CC2D2A: variants seen among roughly 807,000 people sequenced by gnomAD.
The protein encoded by CC2D2A is coiled-coil and C2 domain containing 2A, also known as coiled-coil and C2 domain-containing protein 2A.
A neutral mutation model predicts 212.9 loss-of-function variants in CC2D2A; 155 were observed. The observed-to-expected ratio is 0.73, with a 90% CI of 0.64 to 0.83. CC2D2A has a LOEUF of 0.83. CC2D2A is among the 40% of genes least tolerant of loss of function. The probability of loss-of-function intolerance (pLI) is 0.00; values close to 1 mark genes in which losing one functional copy is unlikely to be tolerated. For missense variants in CC2D2A, 1,856 were observed against 1,956.2 expected, an observed-to-expected ratio of 0.95 and a Z score of 0.97; for synonymous variants, 667 against 686.5, an observed-to-expected ratio of 0.97 and a Z score of 0.44.
Position 15,512,718 on chromosome 4 carries a change from G to A in CC2D2A, c.717+1295G>A, listed in dbSNP as rs528766278. On this transcript the variant is annotated intron_variant, in intron 8 of 36. Coordinates refer to ENST00000424120, the MANE Select transcript of CC2D2A (RefSeq NM_001378615.1). ...CCTGTAATCCCAGCTTTGGGAGGCC[G>A]AGGAGGGCGGATCACCTAAGGTCAG... 7.2e-5 allele frequency among the ~76,000 whole-genome samples: 11 copies of A among 152,270 alleles called. No individual in the cohort carries two copies. The South Asian group carries it at 1.7e-3, about 23-fold the overall frequency.
At position 15,506,210 on chromosome 4, in the gene CC2D2A, TTAAGTA is replaced by T. The variant is rs1377812850; in HGVS notation, c.438+3291_438+3296del. ...ATTTAATTTAGCATGCTCAATCCTTTTAAGTATAATTAATGGCCTTAAATGTATTAA... is the reference window on the plus strand; with the variant it reads ...ATTTAATTTAGCATGCTCAATCCTTTTAATTAATGGCCTTAAATGTATTAA... On this transcript the variant is annotated intron_variant, in intron 6 of 36. Transcript: ENST00000424120. Among the ~76,000 whole-genome samples, 5 of 152,340 alleles carry T rather than the reference TTAAGTA, an allele frequency of 3.3e-5. No individual in the cohort carries two copies. In the East Asian group the frequency reaches 9.6e-4, roughly 29 times the overall value.
intron 4 of CC2D2A, among the ~76,000 whole-genome samples, chr4:15,501,263 C>T (rs893236345): frequency 6.6e-6 from 1 of 152,136 alleles, no homozygotes; most frequent in Non-Finnish European, 1.5e-5. Flanking sequence ...CCAATTGCCA[C>T]TAGGCTCTAT....
intron 28 of CC2D2A, among the ~76,000 whole-genome samples, chr4:15,571,928 T>C (rs996034485): frequency 1.3e-5 from 2 of 152,182 alleles, no homozygotes; most frequent in African/African-American, 2.4e-5. Context: ...TCTGGTAATA[T>C]CTGTGCTCTG....
rs151199192 is a variant in CC2D2A at position 15,520,500 on chromosome 4, G to A, written c.1149+3744G>A. Among the ~76,000 whole-genome samples the A allele has an allele frequency of 2.7e-4, 41 of 152,276 alleles. No individual in the cohort carries two copies. The East Asian group carries it at 7.7e-3, about 29-fold the overall frequency. On this transcript the variant is annotated intron_variant, in intron 11 of 36. Coordinates refer to ENST00000424120, the MANE Select transcript of CC2D2A (RefSeq NM_001378615.1). ...CAGATATGATGAACACTGAATTGTGGGTTAAAGTTAGAAAACAGAAGAGTA... is the reference window on the plus strand; with the variant it reads ...CAGATATGATGAACACTGAATTGTGAGTTAAAGTTAGAAAACAGAAGAGTA...
intron 33 of CC2D2A, among the ~76,000 whole-genome samples, chr4:15,591,143 T>C (rs1030829968): frequency 6.6e-6 from 1 of 152,174 alleles, no homozygotes; most frequent in African/African-American, 2.4e-5. Flanking sequence ...TACCAAAAAC[T>C]ACTTTAAACA....
intron 29 of CC2D2A, 143 bp downstream of exon 29, chr4:15,574,469 T>C (rs1005742067): frequency 3.1e-6 from 2 of 643,742 alleles, no homozygotes; most frequent in African/African-American, 3.7e-5. Context: ...TCAGTTTAGA[T>C]AGAATGGTGG....
chr4:15,570,655 G>T (rs1157837155), intron 28 of CC2D2A, among the ~76,000 whole-genome samples, 159 bp downstream of exon 28: 1 of 152,188 alleles, frequency 6.6e-6, no homozygotes, highest in Non-Finnish European at 1.5e-5. Context: ...AGGAGTTGGA[G>T]ATGAGCCTGG....
At chr4:15,507,855 T>G (rs1716350270) in intron 6 of CC2D2A, among the ~76,000 whole-genome samples, 1 of 152,168 alleles carries the variant, frequency 6.6e-6, no homozygotes, top group African/African-American at 2.4e-5. Context: ...TGGACTTCAG[T>G]CTTTCTTCCT....
chr4:15,509,548 T>C lies in CC2D2A; in HGVS notation c.439-591T>C, dbSNP rs1195605977. ...CTCGGCCTCCCAAAGTGCTGGGAGT[T>C]CAAGCATGAGCCACTGCATCTGGAC... On this transcript the variant is annotated intron_variant, in intron 6 of 36. Transcript: ENST00000424120. 3.9e-5 allele frequency among the ~76,000 whole-genome samples: 6 copies of C among 152,118 alleles called. No individual in the cohort carries two copies. In the East Asian group the frequency reaches 7.7e-4, roughly 20 times the overall value.
Position 15,560,515 on chromosome 4 carries a change from T to C in CC2D2A, c.2923-16T>C, listed in dbSNP as rs1402219100. On this transcript the variant is annotated splice_polypyrimidine_tract_variant and intron_variant, in intron 22 of 36. Transcript: ENST00000424120. ...TTAAATAATAACATTTTAAATAAGC[T>C]GATTTCTTTCCCCAGGTTAGAGAAT... 6 of 1,296,660 alleles carry C rather than the reference T, an allele frequency of 4.6e-6. No homozygotes were observed. Among genetic ancestry groups the C allele is most frequent in the Non-Finnish European group, 6.6e-6 (6 of 910,050 alleles). 80.3% of individuals were successfully genotyped at this position (1,296,660 alleles called of 1,614,324 possible).
At chr4:15,564,392 C>T (rs554420946) in intron 24 of CC2D2A, 11 of 152,196 alleles carry the variant, frequency 7.2e-5, no homozygotes, top group African/African-American at 2.2e-4. Flanking sequence ...AGTGCCCTTA[C>T]CAGTGTAATG....
intron 12 of CC2D2A, 80 bp from the exon 13 acceptor site, chr4:15,528,540 A>T (rs2109025023): frequency 2.6e-6 from 3 of 1,140,324 alleles, no homozygotes; most frequent in Non-Finnish European, 4.0e-6. Flanking sequence ...CATTTTGCCC[A>T]GGAGAAGTGG....
chr4:15,551,018 A>G lies in CC2D2A; in HGVS notation c.2338+38A>G, dbSNP rs770982770. ...AATATCTTCAATGGTTCACTGTTTC[A>G]TTGTCAGATTTGAATGTGTATATAT... On this transcript the variant is annotated intron_variant, in intron 18 of 36. Coordinates refer to ENST00000424120, the MANE Select transcript of CC2D2A (RefSeq NM_001378615.1). The G allele has an allele frequency of 3.3e-6, 5 of 1,503,368 alleles. No individual in the cohort carries two copies. The South Asian group carries it at 6.2e-5, about 19-fold the overall frequency. 93.1% of individuals were successfully genotyped at this position (1,503,368 alleles called of 1,614,324 possible). A position where few individuals can be genotyped will look rare whatever the true frequency, so the allele number is the denominator to read the frequency against.
chr4:15,495,605 TACC>T (rs1327507686), intron 4 of CC2D2A, among the ~76,000 whole-genome samples: 3 of 152,244 alleles, frequency 2.0e-5, no homozygotes, highest in African/African-American at 7.2e-5. Context: ...GGTGTATATA[TACC>T]ACATTTTCTT....
intron 33 of CC2D2A, among the ~76,000 whole-genome samples, chr4:15,590,341 C>T (rs1242794162): frequency 6.6e-6 from 1 of 152,142 alleles, no homozygotes; most frequent in African/African-American, 2.4e-5. Context: ...ATGGCGAAAC[C>T]CCGTCTCTAC....
intron 4 of CC2D2A, among the ~76,000 whole-genome samples, chr4:15,493,166 G>A (rs1715410585): frequency 6.6e-6 from 1 of 151,976 alleles, no homozygotes; most frequent in Admixed American, 6.6e-5. Flanking sequence ...TCATCCCCTA[G>A]GTGTCTACAT....
At chr4:15,583,635 G>A (rs1315749294) in intron 30 of CC2D2A, among the ~76,000 whole-genome samples, 1 of 152,136 alleles carries the variant, frequency 6.6e-6, no homozygotes. Context: ...CCAATGAGGT[G>A]AAAGATCTCT....
chr4:15,494,037 T>C (rs1215649418), intron 4 of CC2D2A, among the ~76,000 whole-genome samples: 2 of 152,160 alleles, frequency 1.3e-5, no homozygotes, highest in Admixed American at 1.3e-4. Context: ...TGAATACCTG[T>C]TAATATTTTT....
intron 4 of CC2D2A, 42 bp from the exon 5 acceptor site, chr4:15,502,386 TC>T (rs745880331): frequency 6.9e-7 from 1 of 1,439,592 alleles, no homozygotes; most frequent in Non-Finnish European, 9.4e-7. Flanking sequence ...CTTTTCTTTT[TC>T]TTTTTTTTTT....
Sources: allele counts gnomAD v4.1 joint callset (sites outside exome capture counted in the v4.1 genomes callset), GRCh38; gene constraint gnomAD v4.1.1; transcripts MANE v1.5; gene names NCBI Gene and HGNC (gene_info 2026-07-23, HGNC 2026-07-21).